The following ESRRG variants were observed in gnomAD, a reference collection of about 807,000 sequenced individuals.
The protein encoded by ESRRG is estrogen related receptor gamma.
A neutral mutation model predicts 44.0 loss-of-function variants in ESRRG; 13 were observed. The ratio of observed to expected loss-of-function variants is 0.30; its 90% CI spans 0.19 to 0.47. ESRRG has a LOEUF of 0.47. Among genes scored for constraint, ESRRG ranks in the 20% least tolerant of loss-of-function variants. The probability of loss-of-function intolerance (pLI) is 1.00; values close to 1 mark genes in which losing one functional copy is unlikely to be tolerated. For synonymous variants in ESRRG, 215 were observed against 214.6 expected, an observed-to-expected ratio of 1.00 and a Z score of -0.02; for missense variants, 395 against 580.6, an observed-to-expected ratio of 0.68 and a Z score of 3.29.
chr1:216,972,360 G>A (rs2071866346), intron 1 of ESRRG, among the ~76,000 whole-genome samples: 1 of 152,122 alleles, frequency 6.6e-6, no homozygotes, highest in South Asian at 2.1e-4. Context: ...TTGCCAATGG[G>A]ACACCTAAGA....
intron 2 of ESRRG, among the ~76,000 whole-genome samples, chr1:216,923,410 C>T (rs1307303144): frequency 6.6e-6 from 1 of 152,162 alleles, no homozygotes; most frequent in African/African-American, 2.4e-5. Flanking sequence ...AACACAGAGA[C>T]TGTGTCATTC....
intron 3 of ESRRG, among the ~76,000 whole-genome samples, chr1:216,579,977 A>G (rs916606344): frequency 1.3e-5 from 2 of 152,228 alleles, no homozygotes; most frequent in Non-Finnish European, 2.9e-5. Flanking sequence ...CATTTGTTAC[A>G]TATATTCAGC....
rs71163765 is a variant in ESRRG at position 216,775,551 on chromosome 1, C to CTTTTT, written c.-13-98065_-13-98061dup. Reference sequence around the variant, plus strand: ...TTCCCACCTAAATAAAATGTCACATCTTTTTTTTTTTTTTTTTTTTTTTTT... The same window carrying CTTTTT: ...TTCCCACCTAAATAAAATGTCACATCTTTTTTTTTTTTTTTTTTTTTTTTTTTTTT... On this transcript the variant is annotated intron_variant, in intron 2 of 7. Transcript: ENST00000359162. 1.4e-3 allele frequency among the ~76,000 whole-genome samples: 105 copies of CTTTTT among 74,822 alleles called. 20 individuals carry two copies. The highest frequency in any genetic ancestry group is 2.6e-3 in the East Asian group (7 of 2,672). The allele number at this position is 74,822 out of a possible 152,430, so 49.1% of individuals were successfully genotyped here. A position where few individuals can be genotyped will look rare whatever the true frequency, so the allele number is the denominator to read the frequency against.
chr1:216,929,442 C>A (rs1241622255), intron 2 of ESRRG, among the ~76,000 whole-genome samples: 2 of 152,102 alleles, frequency 1.3e-5, no homozygotes. Flanking sequence ...GAAATGAATG[C>A]TTGGAAACAT....
intron 2 of ESRRG, among the ~76,000 whole-genome samples, chr1:216,791,201 G>A (rs2094308395): frequency 6.6e-6 from 1 of 152,076 alleles, no homozygotes; most frequent in Admixed American, 6.6e-5. Context: ...TGGATCATGG[G>A]GGCAGATACC....
At chr1:216,710,844 G>T (rs1331641507) in intron 1 of ESRRG, among the ~76,000 whole-genome samples, 1 of 151,928 alleles carries the variant, frequency 6.6e-6, no homozygotes, top group African/African-American at 2.4e-5. Context: ...TTTGATCTTA[G>T]TACCAGCGAT....
At chr1:216,809,996 G>C (rs1343811042) in intron 2 of ESRRG, among the ~76,000 whole-genome samples, 1 of 152,150 alleles carries the variant, frequency 6.6e-6, no homozygotes. Flanking sequence ...GAATGAATGA[G>C]GAAGAGAGAG....
intron 5 of ESRRG, among the ~76,000 whole-genome samples, chr1:216,547,689 TG>T (rs1676973009): frequency 6.6e-6 from 1 of 152,100 alleles, no homozygotes; most frequent in Non-Finnish European, 1.5e-5. Context: ...ATGCTCCACC[TG>T]TATTAATGTT....
At chr1:216,939,360 A>AAAAAAAAAAAAAAAAAAAAAC (rs2064787702) in intron 2 of ESRRG, among the ~76,000 whole-genome samples, 1 of 142,366 alleles carries the variant, frequency 7.0e-6, no homozygotes, top group Non-Finnish European at 1.5e-5. Context: ...AAAAAAAAAA[A>AAAAAAAAAAAAAAAAAAAAAC]AAAAAAAAAA....
At chr1:216,616,075 C>T (rs1056509374) in intron 3 of ESRRG, among the ~76,000 whole-genome samples, 1 of 152,132 alleles carries the variant, frequency 6.6e-6, no homozygotes, top group African/African-American at 2.4e-5. Flanking sequence ...GATAAAGCAT[C>T]TCACCCCATA....
chr1:217,033,610 C>A (rs985346833), intron 1 of ESRRG, among the ~76,000 whole-genome samples: 1 of 151,944 alleles, frequency 6.6e-6, no homozygotes, highest in Non-Finnish European at 1.5e-5. Context: ...AAATTGTATT[C>A]TTTAAAAGGG....
intron 1 of ESRRG, among the ~76,000 whole-genome samples, chr1:217,083,580 C>A (rs2091904554): frequency 6.6e-6 from 1 of 152,176 alleles, no homozygotes; most frequent in Non-Finnish European, 1.5e-5. Flanking sequence ...ACAAACCCAG[C>A]TTAGCACCAT....
intron 5 of ESRRG, among the ~76,000 whole-genome samples, chr1:216,544,020 T>G (rs568172378): frequency 1.3e-5 from 2 of 152,030 alleles, no homozygotes; most frequent in Non-Finnish European, 2.9e-5. Context: ...CAGAGATAAC[T>G]GTGTGCACTT....
At chr1:216,686,481 A>T (rs3900668) in intron 1 of ESRRG, among the ~76,000 whole-genome samples, 1 of 148,744 alleles carries the variant, frequency 6.7e-6, no homozygotes, top group Non-Finnish European at 1.5e-5. Context: ...TATTCAGCAG[A>T]AACATAGCAT....
intron 1 of ESRRG, among the ~76,000 whole-genome samples, chr1:216,960,423 T>C (rs1458555829): frequency 6.6e-6 from 1 of 152,154 alleles, no homozygotes; most frequent in South Asian, 2.1e-4. Flanking sequence ...CATTCCTTTG[T>C]TTTAATTAGA....
chr1:216,870,317 C>T (rs764854386), intron 2 of ESRRG, among the ~76,000 whole-genome samples: 1 of 150,212 alleles, frequency 6.7e-6, no homozygotes, highest in Non-Finnish European at 1.5e-5. Context: ...GCCTTGCAAT[C>T]CTGGTTTACA....
chr1:216,516,928 T>C (rs1423390111), intron 6 of ESRRG, among the ~76,000 whole-genome samples: 3 of 152,034 alleles, frequency 2.0e-5, no homozygotes, highest in Admixed American at 6.6e-5. Flanking sequence ...ACTAAAATGA[T>C]GGGGCTTGCA....
At position 216,585,078 on chromosome 1, in the gene ESRRG, T is replaced by C. The variant is rs1404518953; in HGVS notation, c.590-16980A>G. 3.9e-5 allele frequency among the ~76,000 whole-genome samples: 6 copies of C among 152,146 alleles called. No homozygotes were observed. The East Asian group carries it at 1.2e-3, about 29-fold the overall frequency. On this transcript the variant is annotated intron_variant, in intron 3 of 6. Transcript: ENST00000408911. ...CTATCAATACGTGTTCAGCCTGAAA[T>C]TGATAAAAGTTTAAAAAGCTAATTA...
chr1:216,780,306 T>A lies in ESRRG; in HGVS notation c.-13-102815A>T, dbSNP rs187495236. Among the ~76,000 whole-genome samples, 120 of 152,116 alleles carry A rather than the reference T, an allele frequency of 7.9e-4. No individual in the cohort carries two copies. In the Middle Eastern group the frequency reaches 0.01, roughly 13 times the overall value. ...GTCAAAGCTCTGACATTTTCAAAAT[T>A]GAAAATGCTCCGTGTATAAGATTTG... On this transcript the variant is annotated intron_variant, in intron 2 of 7. Coordinates refer to the ESRRG transcript ENST00000359162.
Sources: allele counts gnomAD v4.1 joint callset (sites outside exome capture counted in the v4.1 genomes callset), GRCh38; gene constraint gnomAD v4.1.1; transcripts MANE v1.5; gene names NCBI Gene and HGNC (gene_info 2026-07-23, HGNC 2026-07-21).